The following COL5A3 variants were observed in gnomAD, a reference collection of about 807,000 sequenced individuals.
COL5A3 encodes collagen type V alpha 3 chain.
COL5A3 carries 172 observed loss-of-function variants against 250.0 expected under a neutral mutation model. The observed-to-expected ratio is 0.69, with a 90% CI of 0.61 to 0.78. COL5A3 has a LOEUF of 0.78. COL5A3 is among the 30% of genes least tolerant of loss of function. COL5A3 has a pLI of 0.00. For synonymous variants in COL5A3, 937 were observed against 900.4 expected, an observed-to-expected ratio of 1.04 and a Z score of -0.73; for missense variants, 2,340 against 2,334.4, an observed-to-expected ratio of 1.00 and a Z score of -0.05.
At chr19:9,964,565 C>T (rs1430073843) in intron 64 of COL5A3, among the ~76,000 whole-genome samples, 1 of 152,130 alleles carries the variant, frequency 6.6e-6, no homozygotes, top group Non-Finnish European at 1.5e-5. Flanking sequence ...GATCCCACCA[C>T]TGTGCTCTAG....
At position 10,009,822 on chromosome 19, in the gene COL5A3, C is replaced by G. The variant is rs753027; in HGVS notation, c.88+476G>C. 0.15 allele frequency among the ~76,000 whole-genome samples: 23,349 copies of G among 151,946 alleles called. 1,923 individuals are homozygous for G. Among genetic ancestry groups the G allele is most frequent in the Middle Eastern group, 0.23 (69 of 294 alleles). ...AAAATCATAACTACACCCCTCATAG[C>G]GGCACTCAGAGACACACAATCACAC... On this transcript the variant is annotated intron_variant, in intron 1 of 66. Coordinates refer to ENST00000264828, the MANE Select transcript of COL5A3 (RefSeq NM_015719.4). This position sits in a 1 kb window ranked among gnomAD's most constrained non-coding sequence, Gnocchi z 4.4.
chr19:10,003,351 C>T (rs2087391026), intron 6 of COL5A3, among the ~76,000 whole-genome samples: 1 of 151,890 alleles, frequency 6.6e-6, no homozygotes, highest in African/African-American at 2.4e-5. Flanking sequence ...ATGGGACCCA[C>T]CCCCACCCTG....
intron 16 of COL5A3, 120 bp from the exon 17 acceptor site, chr19:9,993,926 C>T: frequency 1.1e-6 from 1 of 871,314 alleles, no homozygotes; most frequent in South Asian, 1.6e-5. Context: ...CTCCTTCTGT[C>T]ACTCAGGTTG....
intron 16 of COL5A3, 75 bp from the exon 17 acceptor site, chr19:9,993,881 C>T (rs2087233204): frequency 7.7e-7 from 1 of 1,304,804 alleles, no homozygotes; most frequent in South Asian, 1.3e-5. Context: ...AACCCAACTT[C>T]ATCATCAACA....
chr19:9,997,036 G>A (rs10409955), intron 11 of COL5A3: 231,476 of 513,498 alleles, frequency 0.45, 55,259 homozygotes, highest in African/African-American at 0.72. Flanking sequence ...AGAGAGAGGC[G>A]AACATAGAGA....
intron 24 of COL5A3, 107 bp from the exon 25 acceptor site, chr19:9,989,629 A>G: frequency 4.0e-6 from 4 of 1,010,578 alleles, no homozygotes; most frequent in Non-Finnish European, 5.7e-6. Context: ...AAATAAGCAG[A>G]CCTCACTGGC....
chr19:9,998,225 C>G (rs374523989), intron 8 of COL5A3, 76 bp from the exon 9 acceptor site: 13 of 1,300,634 alleles, frequency 1.0e-5, no homozygotes, highest in African/African-American at 5.2e-5. Context: ...TCTGATCACA[C>G]ACACTTGCAC....
Position 9,993,348 on chromosome 19 carries a change from C to T in COL5A3, c.1749+32G>A, listed in dbSNP as rs774315648. ...CACTCAGGCTTCCAAACTTACTTTC[C>T]AAACCAGGCCCTAACTCTCTTCCAA... On this transcript the variant is annotated intron_variant, in intron 19 of 66. Coordinates refer to ENST00000264828, the MANE Select transcript of COL5A3 (RefSeq NM_015719.4). The T allele has an allele frequency of 6.8e-6, 11 of 1,612,318 alleles. No homozygotes were observed. In the Admixed American group the frequency reaches 1.7e-4, roughly 24 times the overall value.
At chr19:9,989,040 C>T in intron 27 of COL5A3, 84 bp downstream of exon 27, 2 of 1,415,138 alleles carry the variant, frequency 1.4e-6, no homozygotes, top group Non-Finnish European at 2.0e-6. Context: ...CCTCTCCACA[C>T]ATCCAGAAGT....
chr19:9,989,783 G>C (rs998838193), intron 24 of COL5A3, among the ~76,000 whole-genome samples: 2 of 152,036 alleles, frequency 1.3e-5, no homozygotes, highest in African/African-American at 4.8e-5. Flanking sequence ...AGCACAACAG[G>C]GTAACTATAG....
At chr19:9,995,101 T>A (rs893475532) in intron 16 of COL5A3, among the ~76,000 whole-genome samples, 9 of 151,794 alleles carry the variant, frequency 5.9e-5, no homozygotes, top group African/African-American at 1.9e-4. Flanking sequence ...AGAGACGGGG[T>A]TTCCCCATGT....
At chr19:9,996,557 C>T (rs2087276290) in intron 12 of COL5A3, 41 bp from the exon 13 acceptor site, 5 of 1,608,680 alleles carry the variant, frequency 3.1e-6, no homozygotes, top group Non-Finnish European at 4.3e-6. Flanking sequence ...CCAGGAGAGG[C>T]CCCCTCCTGG....
intron 20 of COL5A3, 27 bp from the exon 21 acceptor site, chr19:9,992,907 C>T (rs2010448): frequency 0.36 from 575,226 of 1,611,464 alleles, 105,843 homozygotes; most frequent in African/African-American, 0.6. Context: ...GAATTATTTC[C>T]ACATCACCTC....
In COL5A3 at chr19:9,980,789, G is replaced by GC. The variant is rs1568416613; in HGVS notation, c.2559+16dup. ...GCCTGGGGCATGGGGGGCCTTGATT[G>GC]CCCACCCATCCCATACCTTGGGGCC... On this transcript the variant is annotated intron_variant, in intron 34 of 66. Coordinates refer to ENST00000264828, the MANE Select transcript of COL5A3 (RefSeq NM_015719.4). The GC allele has an allele frequency of 6.2e-7, 1 of 1,613,080 alleles. No individual in the cohort carries two copies. The highest frequency in any genetic ancestry group is 1.1e-5 in the South Asian group (1 of 90,902).
chr19:9,986,435 G>A lies in COL5A3; in HGVS notation c.2245-13C>T. 6.2e-7 allele frequency: 1 copy of A among 1,612,592 alleles called. No individual in the cohort carries two copies. Among genetic ancestry groups the A allele is most frequent in the Non-Finnish European group, 8.5e-7 (1 of 1,178,906 alleles). On this transcript the variant is annotated splice_polypyrimidine_tract_variant and intron_variant, in intron 29 of 66. Transcript: ENST00000264828. ...CTCCGGGTTTCCCCTGGAAGAAAAA[G>A]GAGAGTATTTAATATCCATCTTTTG...
intron 8 of COL5A3, among the ~76,000 whole-genome samples, chr19:10,001,112 AAAG>A (rs2087353797): frequency 6.6e-6 from 1 of 152,178 alleles, no homozygotes; most frequent in African/African-American, 2.4e-5. Context: ...TTTTTTAAAA[AAAG>A]AAAAAATTAA....
intron 27 of COL5A3, 52 bp from the exon 28 acceptor site, chr19:9,986,810 AC>A: frequency 6.3e-7 from 1 of 1,598,656 alleles, no homozygotes. Flanking sequence ...TTAAGAAGTG[AC>A]CCAGACTCAG....
rs373816173 is a variant in COL5A3 at position 9,970,158 on chromosome 19, TGTG to T, written c.3937-239_3937-237del. On this transcript the variant is annotated intron_variant, in intron 54 of 66. Transcript: ENST00000264828. ...GTGGAGGCTGTGGGTGAGTGGGGTC[TGTG>T]GGGTGAGTGGGGTCTGTGGGTGAGT... Among the ~76,000 whole-genome samples, 7 of 55,964 alleles carry T rather than the reference TGTG, an allele frequency of 1.3e-4. 2 individuals are homozygous for T. Among genetic ancestry groups the T allele is most frequent in the Non-Finnish European group, 1.3e-4 (4 of 29,974 alleles). 36.7% of individuals were successfully genotyped at this position (55,964 alleles called of 152,430 possible). A position where few individuals can be genotyped will look rare whatever the true frequency, so the allele number is the denominator to read the frequency against.
Position 9,972,880 on chromosome 19 carries a change from C to G in COL5A3, c.3774+39G>C, listed in dbSNP as rs531317407. On this transcript the variant is annotated intron_variant, in intron 51 of 66. Transcript: ENST00000264828. ...GAGAGCTTCAAGTACATTCAAGTGC[C>G]CCCTCCCATGTCTGCCCCCACTTCC... 18 of 1,459,370 alleles carry G rather than the reference C, an allele frequency of 1.2e-5. No individual in the cohort carries two copies. The African/African-American group carries it at 2.4e-4, about 20-fold the overall frequency. The allele number at this position is 1,459,370 out of a possible 1,614,324, so 90.4% of individuals were successfully genotyped here. A position where few individuals can be genotyped will look rare whatever the true frequency, so the allele number is the denominator to read the frequency against.
Sources: gnomAD v4.1 joint callset for allele counts (sites outside exome capture counted in the v4.1 genomes callset) on GRCh38, gnomAD v4.1.1 for gene constraint, Gnocchi (gnomAD v3.1) non-coding constraint, MANE v1.5 for transcripts, NCBI Gene and HGNC (gene_info 2026-07-23, HGNC 2026-07-21) for gene names.